KCNH5: variants seen among roughly 807,000 people sequenced by gnomAD.
The protein encoded by KCNH5 is voltage-gated delayed rectifier potassium channel KCNH5.
KCNH5 carries 46 observed loss-of-function variants against 96.1 expected under a neutral mutation model. That is an observed-to-expected ratio of 0.48 (90% CI 0.38 to 0.61). KCNH5 has a LOEUF of 0.61. KCNH5 is among the 20% of genes least tolerant of loss of function. KCNH5 has a pLI of 0.00. For synonymous variants in KCNH5, 439 were observed against 449.8 expected, an observed-to-expected ratio of 0.98 and a Z score of 0.30; for missense variants, 907 against 1,225.8, an observed-to-expected ratio of 0.74 and a Z score of 3.88.
intron 1 of KCNH5, among the ~76,000 whole-genome samples, chr14:63,022,690 CT>C (rs959850952): frequency 9.9e-5 from 15 of 152,054 alleles, no homozygotes; most frequent in Admixed American, 2.0e-4. Context: ...AGCATAAGGA[CT>C]TTTTATTTGC....
chr14:63,039,555 G>T (rs1287671454), intron 1 of KCNH5, among the ~76,000 whole-genome samples: 2 of 151,814 alleles, frequency 1.3e-5, no homozygotes, highest in African/African-American at 4.8e-5. Flanking sequence ...TTATGTACAG[G>T]TCATTTTTCT....
chr14:62,773,364 CCT>C (rs1368259102), intron 10 of KCNH5, among the ~76,000 whole-genome samples: 6 of 152,140 alleles, frequency 3.9e-5, no homozygotes, highest in South Asian at 2.1e-4. Flanking sequence ...GGAATCCTTC[CCT>C]GTTTCCTCCC....
At chr14:62,861,572 T>A (rs1312965867) in intron 7 of KCNH5, among the ~76,000 whole-genome samples, 4 of 151,996 alleles carry the variant, frequency 2.6e-5, no homozygotes, top group African/African-American at 9.7e-5. Context: ...GTCGCTTCTA[T>A]TTTGTTTCTA....
At chr14:62,721,730 C>T (rs1199398288) in intron 10 of KCNH5, among the ~76,000 whole-genome samples, 1 of 152,168 alleles carries the variant, frequency 6.6e-6, no homozygotes, top group African/African-American at 2.4e-5. Context: ...CTGGCATCAC[C>T]TCTTTCATTT....
At chr14:63,023,202 CA>C (rs570430845) in intron 1 of KCNH5, among the ~76,000 whole-genome samples, 7,224 of 130,794 alleles carry the variant, frequency 0.055, 183 homozygotes, top group East Asian at 0.068. Context: ...GACTACATCT[CA>C]AAAAAAAAAA....
chr14:62,720,049 A>G (rs1331998107), intron 10 of KCNH5, among the ~76,000 whole-genome samples: 1 of 152,186 alleles, frequency 6.6e-6, no homozygotes, highest in African/African-American at 2.4e-5. Flanking sequence ...AAGTATAAGG[A>G]CATAGGGAAT....
intron 7 of KCNH5, among the ~76,000 whole-genome samples, chr14:62,855,930 A>G (rs1326456512): frequency 6.6e-6 from 1 of 152,064 alleles, no homozygotes; most frequent in Non-Finnish European, 1.5e-5. Context: ...CAATGATAAA[A>G]AAGACAGACA....
chr14:62,780,794 A>C (rs556555601), intron 9 of KCNH5, among the ~76,000 whole-genome samples: 1 of 152,218 alleles, frequency 6.6e-6, no homozygotes, highest in South Asian at 2.1e-4. Flanking sequence ...AGTTCCATAA[A>C]AGCCCCTGGT....
chr14:62,972,401 G>T (rs981154735), intron 6 of KCNH5, among the ~76,000 whole-genome samples: 14 of 152,186 alleles, frequency 9.2e-5, no homozygotes, highest in Non-Finnish European at 1.5e-5. Flanking sequence ...ATCGCTGATG[G>T]GAATACATAA....
intron 9 of KCNH5, among the ~76,000 whole-genome samples, chr14:62,793,029 C>A (rs546869149): frequency 6.6e-6 from 1 of 151,776 alleles, no homozygotes; most frequent in East Asian, 1.9e-4. Flanking sequence ...CTATGCCAAA[C>A]AAAATAAGTC....
At chr14:62,783,211 CA>C in intron 9 of KCNH5, among the ~76,000 whole-genome samples, 1 of 152,264 alleles carries the variant, frequency 6.6e-6, no homozygotes, top group South Asian at 2.1e-4. Context: ...TACACACATA[CA>C]TGCACACAAA....
At chr14:62,719,068 G>A (rs1325467776) in intron 10 of KCNH5, among the ~76,000 whole-genome samples, 1 of 152,230 alleles carries the variant, frequency 6.6e-6, no homozygotes, top group Non-Finnish European at 1.5e-5. Context: ...AAAGTGGAAT[G>A]ACCACAAATG....
At chr14:62,944,000 G>A (rs918876538) in intron 7 of KCNH5, among the ~76,000 whole-genome samples, 5 of 152,126 alleles carry the variant, frequency 3.3e-5, no homozygotes, top group African/African-American at 1.2e-4. Flanking sequence ...TGACATAGGA[G>A]GGATCTGGAA....
At chr14:62,957,419 C>T (rs538362333) in intron 6 of KCNH5, among the ~76,000 whole-genome samples, 1 of 152,272 alleles carries the variant, frequency 6.6e-6, no homozygotes, top group East Asian at 1.9e-4. Flanking sequence ...TTGTCATACC[C>T]AGTTGCATGA....
intron 6 of KCNH5, among the ~76,000 whole-genome samples, chr14:62,957,244 T>C (rs1890121361): frequency 2.6e-5 from 4 of 152,204 alleles, no homozygotes; most frequent in Non-Finnish European, 5.9e-5. Context: ...TAAAATAATA[T>C]CTTGCAATGA....
intron 9 of KCNH5, among the ~76,000 whole-genome samples, 198 bp from the exon 10 acceptor site, chr14:62,780,122 G>A (rs1032934591): frequency 5.3e-5 from 8 of 152,148 alleles, no homozygotes; most frequent in African/African-American, 1.9e-4. Context: ...TTCAGTTATT[G>A]ATGAAAATCT....
chr14:62,817,903 A>T (rs200405993), intron 8 of KCNH5, among the ~76,000 whole-genome samples: 17 of 51,490 alleles, frequency 3.3e-4, no homozygotes, highest in Non-Finnish European at 7.4e-4. Flanking sequence ...TATAAATATA[A>T]ATATATATAT....
At chr14:62,972,073 C>T (rs912956046) in intron 6 of KCNH5, among the ~76,000 whole-genome samples, 1 of 152,062 alleles carries the variant, frequency 6.6e-6, no homozygotes, top group Non-Finnish European at 1.5e-5. Flanking sequence ...AGACAAGCCA[C>T]AAACTGAGAG....
intron 1 of KCNH5, among the ~76,000 whole-genome samples, chr14:63,031,185 T>G (rs150871243): frequency 6.6e-6 from 1 of 152,194 alleles, no homozygotes; most frequent in East Asian, 1.9e-4. Context: ...TGTCTAAGAC[T>G]TTCTATTCTG....
Sources: gnomAD v4.1 joint callset for allele counts (sites outside exome capture counted in the v4.1 genomes callset) on GRCh38, gnomAD v4.1.1 for gene constraint, MANE v1.5 for transcripts, NCBI Gene and HGNC (gene_info 2026-07-23, HGNC 2026-07-21) for gene names.